TOR3A: variants seen among roughly 807,000 people sequenced by gnomAD.
TOR3A encodes the protein torsin-3A.
In TOR3A, 44 loss-of-function variants were observed where a neutral mutation model predicts 42.1. The ratio of observed to expected loss-of-function variants is 1.04; its 90% confidence interval spans 0.82 to 1.34. The LOEUF is 1.34. Ranked by LOEUF, TOR3A falls within the 40% of genes most tolerant of loss-of-function variation. The pLI, the probability that TOR3A is intolerant of heterozygous loss-of-function variation, is 0.00. For missense variants in TOR3A, 521 were observed against 507.6 expected, an observed-to-expected ratio of 1.03 and a Z score of -0.25; for synonymous variants, 227 against 213.2, an observed-to-expected ratio of 1.06 and a Z score of -0.57.
At chr1:179,086,426 G>A (rs988825195) in intron 3 of TOR3A, among the ~76,000 whole-genome samples, 9 of 152,188 alleles carry the variant, frequency 5.9e-5, no homozygotes, top group African/African-American at 2.2e-4. Flanking sequence ...CAGCACTTTG[G>A]GAAGCCTAGG....
chr1:179,093,999 C>T, intron 4 of TOR3A, 94 bp from the exon 5 acceptor site: 1 of 1,482,542 alleles, frequency 6.7e-7, no homozygotes, highest in South Asian at 1.3e-5. Context: ...AGCCTCTATT[C>T]TTCCAGGCAC....
intron 3 of TOR3A, among the ~76,000 whole-genome samples, chr1:179,086,170 T>G (rs1295130437): frequency 6.6e-6 from 1 of 152,196 alleles, no homozygotes; most frequent in Non-Finnish European, 1.5e-5. Flanking sequence ...TGATTTTTGT[T>G]GTAGAAGTAG....
chr1:179,094,919 T>C (rs764521596), intron 5 of TOR3A, 49 bp from the exon 6 acceptor site: 1 of 1,587,264 alleles, frequency 6.3e-7, no homozygotes, highest in Non-Finnish European at 8.6e-7. Flanking sequence ...AAATTCCAGC[T>C]AGGTTCAGTC....
chr1:179,094,269 T>G (rs752756229), intron 5 of TOR3A, 52 bp downstream of exon 5: 1 of 1,578,340 alleles, frequency 6.3e-7, no homozygotes, highest in South Asian at 1.2e-5. Context: ...TGGTGATAAT[T>G]AATGTGTTTG....
intron 1 of TOR3A, 183 bp from the exon 2 acceptor site, chr1:179,082,757 C>G (rs564237957): frequency 5.7e-6 from 4 of 705,544 alleles, no homozygotes; most frequent in South Asian, 4.5e-5. Context: ...CTGGTGACTG[C>G]CGTCTCCCTT....
chr1:179,089,180 G>T (rs1652513310), intron 4 of TOR3A, among the ~76,000 whole-genome samples: 1 of 152,146 alleles, frequency 6.6e-6, no homozygotes, highest in Non-Finnish European at 1.5e-5. Flanking sequence ...AATTAGCTGG[G>T]TGTGGTGGCA....
rs760818538 is a variant in TOR3A, at chr1:179,095,258, T to TAACA, written c.*41_*44dup. 6.8e-6 allele frequency: 11 copies of TAACA among 1,610,528 alleles called. No individual in the cohort carries two copies. The highest frequency in any genetic ancestry group is 2.0e-4 in the Middle Eastern group (1 of 5,128). On this transcript the variant is annotated 3_prime_UTR_variant, in exon 6 of 6. Transcript: ENST00000367627. ...CTTCCTGGAACTGCCTTTCTTCCAC[T>TAACA]AACAGGACCCTGGGACCTGTAGGAG...
At chr1:179,086,722 T>C (rs1449542625) in intron 3 of TOR3A, among the ~76,000 whole-genome samples, 2 of 152,046 alleles carry the variant, frequency 1.3e-5, no homozygotes, top group Non-Finnish European at 2.9e-5. Flanking sequence ...TTTTTTCATG[T>C]CTTCCCGTAT....
intron 4 of TOR3A, among the ~76,000 whole-genome samples, chr1:179,091,025 G>C (rs572000949): frequency 5.3e-5 from 8 of 152,208 alleles, no homozygotes; most frequent in African/African-American, 1.9e-4. Context: ...GGACAGCTTA[G>C]ATTGGTCCAG....
chr1:179,085,490 T>G lies in TOR3A; in HGVS notation c.374-138T>G, dbSNP rs113692248. ...CTACAAAGTCTGCCCTCTGGCTTCTTATTCTAAGGCCAAACAGGAGGAGTA... is the reference window on the plus strand; with the variant it reads ...CTACAAAGTCTGCCCTCTGGCTTCTGATTCTAAGGCCAAACAGGAGGAGTA... On this transcript the variant is annotated intron_variant, in intron 2 of 5. Coordinates refer to ENST00000367627, the MANE Select transcript of TOR3A (RefSeq NM_022371.4). 5.1e-4 allele frequency: 561 copies of G among 1,098,476 alleles called. 2 individuals carry two copies. In the African/African-American group the frequency reaches 8.0e-3, roughly 16 times the overall value. The allele number at this position is 1,098,476 out of a possible 1,614,324, so 68.0% of individuals were successfully genotyped here.
chr1:179,095,783 G>A lies in TOR3A; in HGVS notation c.*565G>A. On this transcript the variant is annotated 3_prime_UTR_variant, in exon 6 of 6. Coordinates refer to ENST00000367627, the MANE Select transcript of TOR3A (RefSeq NM_022371.4). ...ATTGGTACTTCCAGAGGAAAGCCAA[G>A]CTGCTTCTGTTGTGAGCGAATCAGC... is the stretch of plus-strand genomic sequence containing the variant. 1.0e-5 allele frequency: 10 copies of A among 988,976 alleles called. No homozygotes were observed. The highest frequency in any genetic ancestry group is 1.1e-5 in the Non-Finnish European group (9 of 832,334). 61.3% of individuals were successfully genotyped at this position (988,976 alleles called of 1,614,324 possible).
At chr1:179,082,868 G>T in intron 1 of TOR3A, 72 bp from the exon 2 acceptor site, 1 of 997,820 alleles carries the variant, frequency 1.0e-6, no homozygotes, top group Non-Finnish European at 1.6e-6. Context: ...GACAAGTTGT[G>T]TGGCAAGGTT....
intron 3 of TOR3A, among the ~76,000 whole-genome samples, chr1:179,086,348 G>A (rs143660762): frequency 2.0e-5 from 3 of 152,332 alleles, no homozygotes; most frequent in Admixed American, 2.0e-4. Flanking sequence ...ACAGAAAGTT[G>A]TATATCCTGC....
intron 5 of TOR3A, 57 bp from the exon 6 acceptor site, chr1:179,094,911 A>G: frequency 6.3e-7 from 1 of 1,575,620 alleles, no homozygotes; most frequent in South Asian, 1.1e-5. Context: ...CCCCCGCTAA[A>G]TTCCAGCTAG....
chr1:179,086,522 T>C (rs1292131695), intron 3 of TOR3A, among the ~76,000 whole-genome samples: 2 of 151,990 alleles, frequency 1.3e-5, no homozygotes, highest in Non-Finnish European at 2.9e-5. Flanking sequence ...AAAACTTAGC[T>C]GGGCGTGGTG....
intron 2 of TOR3A, 133 bp from the exon 3 acceptor site, chr1:179,085,495 T>C (rs1652406001): frequency 5.2e-6 from 6 of 1,152,822 alleles, no homozygotes; most frequent in Non-Finnish European, 7.5e-6. Flanking sequence ...CTTCTTATTC[T>C]AAGGCCAAAC....
chr1:179,095,124 C>G lies in TOR3A; in HGVS notation c.1100C>G (p.Ala367Gly), dbSNP rs766828497. 3.1e-6 allele frequency: 5 copies of G among 1,614,172 alleles called. No individual in the cohort carries two copies. The highest frequency in any genetic ancestry group is 4.5e-5 in the East Asian group (2 of 44,880). Residue 367 changes from alanine to glycine, a missense_variant, in exon 6 of 6, where the codon GCC becomes GGC. Transcript: ENST00000367627. Reference protein sequence around the residue: ...LYKEETLDEIAQMMVYVPKEE... With the variant: ...LYKEETLDEIGQMMVYVPKEE... ...AAAGAAGAGACACTGGATGAAATAG[C>G]CCAGATGATGGTGTATGTCCCCAAG...
rs769943033 is a variant in TOR3A at position 179,082,309 on chromosome 1, C to G, written c.181C>G (p.Arg61Gly). The G allele has an allele frequency of 1.9e-6, 3 of 1,593,778 alleles. No individual in the cohort carries two copies. The highest frequency in any genetic ancestry group is 2.8e-5 in the African/African-American group (2 of 72,094). Residue 61 changes from arginine to glycine, a missense_variant, in exon 1 of 6, where the codon CGG (arginine) becomes GGG (glycine). Physicochemically the swap from Arg to Gly is moderately radical, Grantham distance 125. Coordinates refer to ENST00000367627, the MANE Select transcript of TOR3A (RefSeq NM_022371.4). ...CAGGGCGGCGGGTGCCCTCTCCAAG[C>G]GGTACTGGACGCTCTTCAGCTGCCA... ...QLRAAGALSK[R>G]YWTLFSCQVW... is the part of the protein sequence containing the mutation.
At chr1:179,083,379 A>G (rs1056730607) in intron 2 of TOR3A, among the ~76,000 whole-genome samples, 5 of 150,670 alleles carry the variant, frequency 3.3e-5, no homozygotes, top group Admixed American at 6.6e-5. Context: ...GGTTGTGATT[A>G]AAAGTGTCCC....
Sources: gnomAD v4.1 joint callset for allele counts (sites outside exome capture counted in the v4.1 genomes callset) on GRCh38, gnomAD v4.1.1 for gene constraint, MANE v1.5 for transcripts, NCBI Gene and HGNC (gene_info 2026-07-23, HGNC 2026-07-21) for gene names.